SGCD: variants seen among roughly 807,000 people sequenced by gnomAD.
SGCD encodes delta-sarcoglycan.
SGCD carries 18 observed loss-of-function variants against 36.6 expected under a neutral mutation model. The ratio of observed to expected loss-of-function variants is 0.49; its 90% CI spans 0.34 to 0.73. SGCD has a LOEUF of 0.73. SGCD is among the 30% of genes least tolerant of loss of function. The probability of loss-of-function intolerance (pLI) is 0.01; values close to 1 mark genes in which losing one functional copy is unlikely to be tolerated. For missense variants in SGCD, 387 were observed against 346.7 expected, an observed-to-expected ratio of 1.12 and a Z score of -0.92; for synonymous variants, 133 against 130.6, an observed-to-expected ratio of 1.02 and a Z score of -0.12.
At chr5:156,027,983 G>A (rs1412594230) in intron 1 of SGCD, among the ~76,000 whole-genome samples, 1 of 152,146 alleles carries the variant, frequency 6.6e-6, no homozygotes, top group Admixed American at 6.5e-5. Flanking sequence ...GGTGGACTCT[G>A]TGTGAAGCTT....
intron 7 of SGCD, among the ~76,000 whole-genome samples, chr5:156,752,128 ACAT>A (rs1271428764): frequency 2.6e-5 from 4 of 152,228 alleles, no homozygotes; most frequent in African/African-American, 9.6e-5. Flanking sequence ...AACCTCAGAA[ACAT>A]CATATTGAGG....
chr5:155,880,456 A>G (rs139849159), intron 1 of SGCD, among the ~76,000 whole-genome samples: 8 of 152,248 alleles, frequency 5.3e-5, no homozygotes, highest in African/African-American at 1.9e-4. Context: ...GAATTTTCCT[A>G]CTGAATAGTC....
the SGCD span, among the ~76,000 whole-genome samples, chr5:155,773,192 GT>G: frequency 1.3e-5 from 2 of 152,104 alleles, no homozygotes; most frequent in Non-Finnish European, 2.9e-5. Context: ...CACTTCTGCT[GT>G]AAAAGTGAAG....
At position 155,905,763 on chromosome 5, in the gene SGCD, T is replaced by C. The variant is rs551076359; in HGVS notation, c.-282+35339T>C. On this transcript the variant is annotated intron_variant, in intron 1 of 9. Transcript: ENST00000517913. ...AATAAGTCTCACGAGATCTGATGGG[T>C]TTATCAGGGGTTTCTGCTTTTGCTT... Among the ~76,000 whole-genome samples, 3 of 152,108 alleles carry C rather than the reference T, an allele frequency of 2.0e-5. No homozygotes were observed. In the East Asian group the frequency reaches 5.8e-4, roughly 29 times the overall value.
intron 3 of SGCD, among the ~76,000 whole-genome samples, chr5:156,247,517 T>C (rs1765468339): frequency 6.6e-6 from 1 of 152,152 alleles, no homozygotes. Flanking sequence ...GAGACAGTAG[T>C]GGCTTCGACC....
At chr5:155,957,452 G>A (rs1440198108) in intron 1 of SGCD, among the ~76,000 whole-genome samples, 1 of 152,084 alleles carries the variant, frequency 6.6e-6, no homozygotes, top group African/African-American at 2.4e-5. Flanking sequence ...AGTTCTGAAG[G>A]TCAGTCATCT....
chr5:156,677,164 G>T (rs971540473), intron 7 of SGCD, among the ~76,000 whole-genome samples: 1 of 152,228 alleles, frequency 6.6e-6, no homozygotes, highest in East Asian at 1.9e-4. Flanking sequence ...CCCATTACTG[G>T]GTATATACCC....
chr5:156,309,941 T>C (rs1415806814), intron 3 of SGCD, among the ~76,000 whole-genome samples: 1 of 152,174 alleles, frequency 6.6e-6, no homozygotes, highest in Non-Finnish European at 1.5e-5. Flanking sequence ...TCGTATAATT[T>C]TTTGTTGAAA....
intron 1 of SGCD, among the ~76,000 whole-genome samples, chr5:156,027,475 T>C (rs947174978): frequency 2.0e-5 from 3 of 150,744 alleles, no homozygotes; most frequent in African/African-American, 4.8e-5. Flanking sequence ...CTGACACTGA[T>C]TCCAATTTTA....
intron 7 of SGCD, among the ~76,000 whole-genome samples, chr5:156,735,603 A>T (rs1756315561): frequency 6.6e-6 from 1 of 152,144 alleles, no homozygotes; most frequent in African/African-American, 2.4e-5. Flanking sequence ...CAAACAGTAA[A>T]GATGACAGCC....
intron 3 of SGCD, among the ~76,000 whole-genome samples, chr5:156,289,661 G>A (rs1206296271): frequency 2.0e-5 from 3 of 151,754 alleles, no homozygotes; most frequent in South Asian, 4.2e-4. Context: ...CCACACTTGA[G>A]CATCACAGTC....
intron 3 of SGCD, among the ~76,000 whole-genome samples, chr5:156,316,023 A>C (rs1767509609): frequency 6.6e-6 from 1 of 152,016 alleles, no homozygotes. Flanking sequence ...GAAAGGAAGA[A>C]GTAGAACTGT....
chr5:156,153,504 C>A (rs527784236), intron 3 of SGCD, among the ~76,000 whole-genome samples: 15 of 151,752 alleles, frequency 9.9e-5, no homozygotes, highest in Admixed American at 6.6e-5. Flanking sequence ...TTTAAGGGAT[C>A]AAATTTTTTA....
chr5:156,301,456 C>T (rs1467246254), intron 3 of SGCD, among the ~76,000 whole-genome samples: 1 of 151,860 alleles, frequency 6.6e-6, no homozygotes, highest in Non-Finnish European at 1.5e-5. Flanking sequence ...TCTTATTATA[C>T]TGTCTATGTT....
At chr5:156,256,655 A>C (rs1292500035) in intron 3 of SGCD, among the ~76,000 whole-genome samples, 2 of 152,188 alleles carry the variant, frequency 1.3e-5, no homozygotes, top group Non-Finnish European at 1.5e-5. Flanking sequence ...ATTGACATAC[A>C]TTTTAATTTA....
chr5:156,024,239 G>A (rs1759175375), intron 1 of SGCD, among the ~76,000 whole-genome samples: 1 of 151,926 alleles, frequency 6.6e-6, no homozygotes, highest in African/African-American at 2.4e-5. Context: ...TGCTTTGATG[G>A]AGAAGATACC....
intron 1 of SGCD, among the ~76,000 whole-genome samples, chr5:156,040,172 G>A (rs1037219822): frequency 1.3e-5 from 2 of 152,132 alleles, no homozygotes; most frequent in African/African-American, 4.8e-5. Context: ...ATCATCATTG[G>A]TGCTTCACCC....
intron 3 of SGCD, among the ~76,000 whole-genome samples, chr5:156,458,212 T>C (rs1581023518): frequency 6.6e-6 from 1 of 152,224 alleles, no homozygotes; most frequent in Non-Finnish European, 1.5e-5. Flanking sequence ...TCCCTCTCCG[T>C]CCCCATAAGG....
At chr5:155,858,419 G>GT in the SGCD span, among the ~76,000 whole-genome samples, 1 of 152,070 alleles carries the variant, frequency 6.6e-6, no homozygotes, top group East Asian at 1.9e-4. Context: ...CAGAAAACTT[G>GT]TTTTAAATAA....
Sources: gnomAD v4.1 joint callset for allele counts (sites outside exome capture counted in the v4.1 genomes callset) on GRCh38, gnomAD v4.1.1 for gene constraint, MANE v1.5 for transcripts, NCBI Gene and HGNC (gene_info 2026-07-23, HGNC 2026-07-21) for gene names.